The following DSC3 variants were observed in gnomAD, a reference collection of about 807,000 sequenced individuals.
DSC3 encodes the protein desmocollin 3.
A neutral mutation model predicts 89.5 loss-of-function variants in DSC3; 97 were observed. That is an observed-to-expected ratio of 1.08 (90% confidence interval 0.92 to 1.28). DSC3 has a LOEUF of 1.28. Ranked by LOEUF, DSC3 falls within the 50% of genes most tolerant of loss-of-function variation. The probability of loss-of-function intolerance (pLI) is 0.00; values close to 1 mark genes in which losing one functional copy is unlikely to be tolerated. For synonymous variants in DSC3, 436 were observed against 384.1 expected, an observed-to-expected ratio of 1.14 and a Z score of -1.58; for missense variants, 1,199 against 1,085.3, an observed-to-expected ratio of 1.10 and a Z score of -1.47.
In DSC3 at chr18:31,027,868, G is replaced by A. The variant is rs564663000; in HGVS notation, c.474+1641C>T. On this transcript the variant is annotated intron_variant, in intron 4 of 15. Coordinates refer to ENST00000360428, the MANE Select transcript of DSC3 (RefSeq NM_001941.5). Reference sequence around the variant, plus strand: ...AATCCTTATCTGTTAAGAACTTAGAGAGAACTATGTTTTCTGCAGCTTAAA... The same window carrying A: ...AATCCTTATCTGTTAAGAACTTAGAAAGAACTATGTTTTCTGCAGCTTAAA... 3.5e-4 allele frequency among the ~76,000 whole-genome samples: 54 copies of A among 152,210 alleles called. No homozygotes were observed. The Middle Eastern group carries it at 0.017, about 48-fold the overall frequency.
At chr18:31,016,913 T>C (rs1985254774) in intron 9 of DSC3, among the ~76,000 whole-genome samples, 1 of 152,194 alleles carries the variant, frequency 6.6e-6, no homozygotes, top group Non-Finnish European at 1.5e-5. Context: ...ATTTTCCCAT[T>C]TTAACATTGG....
rs776031684 is a variant in DSC3 at position 30,996,884 on chromosome 18, G to A, written c.2400C>T (p.Thr800=). Reference sequence around the variant, plus strand: ...TGTGTCCTCCCCTGCAGGAGTCCAGGGTATGATGATGCCCAGCCCCCCGGC... The same window carrying A: ...TGTGTCCTCCCCTGCAGGAGTCCAGAGTATGATGATGCCCAGCCCCCCGGC... ...ESCRGAGHHH[T]LDSCRGGHTE... is the part of the protein sequence containing the mutation. Residue 800 remains threonine, a synonymous_variant, in exon 15 of 16, where the codon ACC becomes ACT. Transcript: ENST00000360428. 4.3e-6 allele frequency: 7 copies of A among 1,613,646 alleles called. No individual in the cohort carries two copies. The highest frequency in any genetic ancestry group is 2.2e-5 in the South Asian group (2 of 91,046).
At chr18:31,034,820 T>C (rs1055485196) in intron 1 of DSC3, among the ~76,000 whole-genome samples, 1 of 152,200 alleles carries the variant, frequency 6.6e-6, no homozygotes, top group African/African-American at 2.4e-5. Flanking sequence ...GAAGTGGTTG[T>C]AAATGGGTAT....
intron 1 of DSC3, among the ~76,000 whole-genome samples, chr18:31,038,923 TATA>T (rs1302978972): frequency 7.9e-5 from 12 of 152,102 alleles, no homozygotes; most frequent in Admixed American, 2.0e-4. Flanking sequence ...AGACTTCAGT[TATA>T]GTATGTTTCT....
chr18:31,034,720 C>T (rs1201147964), intron 1 of DSC3, among the ~76,000 whole-genome samples: 1 of 152,024 alleles, frequency 6.6e-6, no homozygotes, highest in African/African-American at 2.4e-5. Context: ...GTGAAAGAAA[C>T]TAGATACAAA....
Position 31,004,378 on chromosome 18 carries a change from TAAAAG to T in DSC3, c.1889-17_1889-13del, listed in dbSNP as rs1984768872. 2 of 1,607,572 alleles carry T rather than the reference TAAAAG, an allele frequency of 1.2e-6. No individual in the cohort carries two copies. The highest frequency in any genetic ancestry group is 8.5e-7 in the Non-Finnish European group (1 of 1,174,958). Reference sequence around the variant, plus strand: ...ACGGGCAGCTGTATCTGAAAGAAAATAAAAGAAGTTTATTTTTTAATGATCATTTA... The same window carrying T: ...ACGGGCAGCTGTATCTGAAAGAAAATAAGTTTATTTTTTAATGATCATTTA... On this transcript the variant is annotated splice_polypyrimidine_tract_variant and intron_variant, in intron 12 of 15. Transcript: ENST00000360428.
Position 31,018,217 on chromosome 18 carries a change from T to G in DSC3, c.1117A>C (p.Ile373Leu). ...FVEENAFNVE[I>L]LRIPIEDKDL... ...TTATCTTCTATAGGTATTCGTAAGATTTCCACATTGAATGCATTTTCCTCT... is the reference window on the plus strand; with the variant it reads ...TTATCTTCTATAGGTATTCGTAAGAGTTCCACATTGAATGCATTTTCCTCT... The change falls in exon 9 of 16, where the codon ATC becomes CTC. Residue 373 changes from isoleucine (I) to leucine (L), a missense_variant. By Grantham distance (5) the Ile-to-Leu change is conservative (BLOSUM62 2). Coordinates refer to ENST00000360428, the MANE Select transcript of DSC3 (RefSeq NM_001941.5). 1 of 1,612,128 alleles carries G rather than the reference T, an allele frequency of 6.2e-7. No homozygotes were observed. The highest frequency in any genetic ancestry group is 8.5e-7 in the Non-Finnish European group (1 of 1,179,136).
At chr18:31,041,811 C>G (rs537685820) in intron 1 of DSC3, among the ~76,000 whole-genome samples, 2 of 152,110 alleles carry the variant, frequency 1.3e-5, no homozygotes, top group African/African-American at 2.4e-5. Flanking sequence ...GTGCTCCGGC[C>G]GCGCAGTCCT....
rs141366353 is a variant in DSC3 at position 31,040,192 on chromosome 18, T to C, written c.69+2400A>G. On this transcript the variant is annotated intron_variant, in intron 1 of 15. Coordinates refer to ENST00000360428, the MANE Select transcript of DSC3 (RefSeq NM_001941.5). ...GTTATTGCAAACGTTTCAACTATTT[T>C]AGTTCCTTTAGAAGAGGAGCCCTTT... is the stretch of plus-strand genomic sequence containing the variant. 5.3e-3 allele frequency among the ~76,000 whole-genome samples: 810 copies of C among 152,268 alleles called. 9 individuals carry two copies. The highest frequency in any genetic ancestry group is 0.018 in the African/African-American group (758 of 41,528).
chr18:31,035,492 C>A (rs1017940606), intron 1 of DSC3, among the ~76,000 whole-genome samples: 3 of 151,906 alleles, frequency 2.0e-5, no homozygotes, highest in Non-Finnish European at 4.4e-5. Context: ...TTAATATTTT[C>A]CTTAAGTATA....
At position 30,994,116 on chromosome 18, in the gene DSC3, ATAT is replaced by A; in HGVS notation, c.*56_*58del. 6.6e-7 allele frequency: 1 copy of A among 1,522,478 alleles called. No individual in the cohort carries two copies. The highest frequency in any genetic ancestry group is 9.1e-7 in the Non-Finnish European group (1 of 1,098,356). 94.3% of individuals were successfully genotyped at this position (1,522,478 alleles called of 1,614,324 possible). A position where few individuals can be genotyped will look rare whatever the true frequency, so the allele number is the denominator to read the frequency against. ...ATACATGTTGAAATTGAACTTTACA[ATAT>A]TATTTTTGGAAACCTCCAGAATGTC... On this transcript the variant is annotated 3_prime_UTR_variant, in exon 16 of 16. Coordinates refer to ENST00000360428, the MANE Select transcript of DSC3 (RefSeq NM_001941.5).
At chr18:31,011,103 C>A (rs73952550) in intron 9 of DSC3, among the ~76,000 whole-genome samples, 1,630 of 152,258 alleles carry the variant, frequency 0.011, 33 homozygotes, top group African/African-American at 0.037. Flanking sequence ...TGCTTGACAG[C>A]GTATAGTTAG....
chr18:31,025,994 T>C (rs1985587568), intron 4 of DSC3, 79 bp from the exon 5 acceptor site: 2 of 1,301,836 alleles, frequency 1.5e-6, no homozygotes. Context: ...CTGATGTATC[T>C]TTTTATTTTA....
chr18:31,011,799 C>G (rs1054166582), intron 9 of DSC3, among the ~76,000 whole-genome samples: 3 of 151,810 alleles, frequency 2.0e-5, no homozygotes, highest in African/African-American at 7.3e-5. Context: ...TCGAGACCAG[C>G]CTGGGCAACA....
intron 6 of DSC3, among the ~76,000 whole-genome samples, chr18:31,023,377 T>C (rs544047934): frequency 6.7e-4 from 102 of 152,276 alleles, no homozygotes; most frequent in African/African-American, 2.4e-3. Context: ...ATGTTTTCTA[T>C]GCTTTAGTGG....
chr18:31,016,418 G>C (rs1210342500), intron 9 of DSC3, among the ~76,000 whole-genome samples: 1 of 152,194 alleles, frequency 6.6e-6, no homozygotes, highest in Non-Finnish European at 1.5e-5. Context: ...GAGGAAGAGG[G>C]GAGAAGGGTG....
chr18:31,001,089 GTATATATATA>G lies in DSC3; in HGVS notation c.2235+519_2235+528del, dbSNP rs67608580. ...GTGTTTATATATACTTTGTGTGTGT[GTATATATATA>G]TATATATATATATACTTTACACAAA... On this transcript the variant is annotated intron_variant, in intron 14 of 15. Coordinates refer to ENST00000360428, the MANE Select transcript of DSC3 (RefSeq NM_001941.5). 3.1e-4 allele frequency among the ~76,000 whole-genome samples: 39 copies of G among 126,046 alleles called. 1 individual carries two copies. The East Asian group carries it at 0.011, about 34-fold the overall frequency. The allele number at this position is 126,046 out of a possible 152,430, so 82.7% of individuals were successfully genotyped here. A position where few individuals can be genotyped will look rare whatever the true frequency, so the allele number is the denominator to read the frequency against.
intron 1 of DSC3, among the ~76,000 whole-genome samples, chr18:31,039,857 T>C (rs1239869522): frequency 6.6e-6 from 1 of 152,310 alleles, no homozygotes; most frequent in East Asian, 1.9e-4. Context: ...AATCTAAATA[T>C]ACGTATACTA....
In DSC3 at chr18:30,990,694, T is replaced by C. The variant is rs1984205637; in HGVS notation, c.*3481A>G. The C allele has an allele frequency of 6.6e-6, 1 of 152,218 alleles. No individual in the cohort carries two copies. The highest frequency in any genetic ancestry group is 2.1e-4 in the South Asian group (1 of 4,836). 9.4% of individuals were successfully genotyped at this position (152,218 alleles called of 1,614,324 possible). A position where few individuals can be genotyped will look rare whatever the true frequency, so the allele number is the denominator to read the frequency against. On this transcript the variant is annotated 3_prime_UTR_variant, in exon 16 of 16. Coordinates refer to ENST00000360428, the MANE Select transcript of DSC3 (RefSeq NM_001941.5). ...ATCAAGACTGCAATATCGCCTGCTT[T>C]TCTTTTTAACTCATGTTTTCCCTTG...
Sources: gnomAD v4.1 joint callset for allele counts (sites outside exome capture counted in the v4.1 genomes callset) on GRCh38, gnomAD v4.1.1 for gene constraint, MANE v1.5 for transcripts, NCBI Gene and HGNC (gene_info 2026-07-23, HGNC 2026-07-21) for gene names.